The following MTHFD1L variants were observed in gnomAD, a reference collection of about 807,000 sequenced individuals.
MTHFD1L encodes the protein monofunctional C1-tetrahydrofolate synthase, mitochondrial.
In MTHFD1L, 81 loss-of-function variants were observed where a neutral mutation model predicts 119.5. The observed-to-expected ratio is 0.68, with a 90% confidence interval of 0.57 to 0.82. The LOEUF is 0.82. MTHFD1L is among the 40% of genes least tolerant of loss of function. The probability of loss-of-function intolerance (pLI) is 0.00; values close to 1 mark genes in which losing one functional copy is unlikely to be tolerated. For synonymous variants in MTHFD1L, 430 were observed against 475.2 expected (o/e 0.90, Z 1.24); for missense variants, 1,125 against 1,253.4 (o/e 0.90, Z 1.55).
intron 5 of MTHFD1L, 79 bp downstream of exon 5, chr6:150,882,965 T>G (rs1781607997): frequency 1.5e-6 from 2 of 1,311,678 alleles, no homozygotes; most frequent in Middle Eastern, 1.9e-4. Context: ...TTTTCTAAAT[T>G]TCTTCTATTT....
At chr6:150,980,650 G>A (rs764177261) in intron 20 of MTHFD1L, among the ~76,000 whole-genome samples, 3 of 149,546 alleles carry the variant, frequency 2.0e-5, no homozygotes, top group Non-Finnish European at 4.4e-5. Flanking sequence ...GTCTGAGGCA[G>A]GAGGATCAAT....
chr6:150,985,848 G>A lies in MTHFD1L; in HGVS notation c.2125+13790G>A, dbSNP rs183091140. 9.9e-4 allele frequency among the ~76,000 whole-genome samples: 151 copies of A among 152,134 alleles called. 2 individuals carry two copies. Among genetic ancestry groups the A allele is most frequent in the Admixed American group, 8.8e-3 (135 of 15,264 alleles). ...CCTTTCCCTGTCTTGCCTCAGCCTT[G>A]CACTGTGGAATGCAAAAGAGTAGAA... On this transcript the variant is annotated intron_variant, in intron 20 of 27. Coordinates refer to ENST00000367321, the MANE Select transcript of MTHFD1L (RefSeq NM_015440.5).
At chr6:150,916,609 G>T (rs181649485) in intron 8 of MTHFD1L, among the ~76,000 whole-genome samples, 39 of 149,188 alleles carry the variant, frequency 2.6e-4, no homozygotes, top group African/African-American at 9.1e-4. Context: ...GATTACAGGC[G>T]TGAGCCACTA....
At chr6:151,093,745 T>G (rs901596033) in intron 27 of MTHFD1L, among the ~76,000 whole-genome samples, 42 of 119,004 alleles carry the variant, frequency 3.5e-4, no homozygotes, top group Admixed American at 4.5e-4. Context: ...AACACTCAAC[T>G]GTGTGGCACA....
chr6:150,867,677 G>A (rs1177409823), intron 1 of MTHFD1L, among the ~76,000 whole-genome samples: 2 of 152,000 alleles, frequency 1.3e-5, no homozygotes, highest in Non-Finnish European at 2.9e-5. Flanking sequence ...CCGTCTCTTC[G>A]GTGCTATATC....
At chr6:150,866,775 G>A (rs1480118805) in intron 1 of MTHFD1L, 1 of 888,194 alleles carries the variant, frequency 1.1e-6, no homozygotes, top group Non-Finnish European at 1.4e-6. Context: ...AGCGAACTGG[G>A]AGCCCCGGGC....
chr6:151,038,952 G>A (rs1786625734), intron 26 of MTHFD1L, among the ~76,000 whole-genome samples: 2 of 152,146 alleles, frequency 1.3e-5, no homozygotes, highest in African/African-American at 4.8e-5. Flanking sequence ...TAGGATCTAA[G>A]GAATAGTCTG....
intron 5 of MTHFD1L, 28 bp downstream of exon 5, chr6:150,882,914 C>A: frequency 6.5e-7 from 1 of 1,545,258 alleles, no homozygotes; most frequent in Non-Finnish European, 8.7e-7. Context: ...AATAATCAAC[C>A]TTTATGGCTA....
intron 8 of MTHFD1L, among the ~76,000 whole-genome samples, chr6:150,916,736 CCTTTTTTTTTTTTT>C (rs1788003663): frequency 1.2e-5 from 1 of 84,292 alleles, no homozygotes; most frequent in Admixed American, 1.5e-4. Flanking sequence ...TGATTCTATC[CCTTTTTTTTTTTTT>C]TTTTTTTTTT....
At chr6:150,979,690 G>A (rs939822578) in intron 20 of MTHFD1L, among the ~76,000 whole-genome samples, 1 of 151,990 alleles carries the variant, frequency 6.6e-6, no homozygotes, top group African/African-American at 2.4e-5. Context: ...AGTAGAGATG[G>A]AGTTTCTCCA....
At chr6:151,047,743 C>T (rs1229917805) in intron 26 of MTHFD1L, among the ~76,000 whole-genome samples, 4 of 152,168 alleles carry the variant, frequency 2.6e-5, no homozygotes, top group Non-Finnish European at 5.9e-5. Flanking sequence ...TCATCCAGTT[C>T]CCAGACATAT....
rs200292075 is a variant in MTHFD1L, at chr6:151,009,782, G to A, written c.2126-37G>A. On this transcript the variant is annotated intron_variant, in intron 20 of 27. Transcript: ENST00000367321. ...TTGCCAAAACCTACCTTTGTTTTTA[G>A]AAGATAATAGCACATATTCCACTTG... 4 of 1,609,696 alleles carry A rather than the reference G, an allele frequency of 2.5e-6. No homozygotes were observed. In the African/African-American group the frequency reaches 5.3e-5, roughly 22 times the overall value.
intron 26 of MTHFD1L, among the ~76,000 whole-genome samples, chr6:151,070,755 C>G (rs1046480040): frequency 2.6e-5 from 4 of 152,166 alleles, no homozygotes; most frequent in Admixed American, 2.6e-4. Context: ...GTTTGCCAAC[C>G]CCTGATCTAG....
intron 27 of MTHFD1L, among the ~76,000 whole-genome samples, chr6:151,094,381 G>A (rs1490766977): frequency 6.6e-6 from 1 of 152,132 alleles, no homozygotes; most frequent in African/African-American, 2.4e-5. Flanking sequence ...GTTGTTGTTT[G>A]AGACAGAGTC....
chr6:150,947,379 G>C (rs1794158848), intron 15 of MTHFD1L, among the ~76,000 whole-genome samples: 1 of 151,194 alleles, frequency 6.6e-6, no homozygotes, highest in African/African-American at 2.4e-5. Flanking sequence ...ACAGGCATGA[G>C]CCACCACACC....
intron 9 of MTHFD1L, among the ~76,000 whole-genome samples, chr6:150,921,122 T>G (rs964273421): frequency 6.6e-6 from 1 of 150,958 alleles, no homozygotes; most frequent in Admixed American, 6.6e-5. Context: ...GCCCGGCTAA[T>G]TTTTTGTATT....
chr6:150,916,806 A>G (rs1788050250), intron 8 of MTHFD1L, among the ~76,000 whole-genome samples: 1 of 109,070 alleles, frequency 9.2e-6, no homozygotes, highest in East Asian at 3.1e-4. Flanking sequence ...CTTGTTGCCC[A>G]GGCTGGAGAG....
At chr6:150,874,029 C>G (rs754983783) in intron 1 of MTHFD1L, among the ~76,000 whole-genome samples, 1 of 152,106 alleles carries the variant, frequency 6.6e-6, no homozygotes, top group Non-Finnish European at 1.5e-5. Context: ...CCGCTTGGGT[C>G]CCACACTCCG....
chr6:151,098,977 A>G (rs17080775), intron 27 of MTHFD1L, among the ~76,000 whole-genome samples: 39,123 of 151,930 alleles, frequency 0.26, 5,325 homozygotes, highest in Middle Eastern at 0.39. Flanking sequence ...GGAGTTCAAG[A>G]CCAGCCTGGC....
Sources: allele counts gnomAD v4.1 joint callset (sites outside exome capture counted in the v4.1 genomes callset), GRCh38; gene constraint gnomAD v4.1.1; transcripts MANE v1.5; gene names NCBI Gene and HGNC (gene_info 2026-07-23, HGNC 2026-07-21).